The following ANXA4 variants were observed in gnomAD, a reference collection of about 807,000 sequenced individuals.
ANXA4 encodes annexin A4, also known as 35-beta calcimedin.
Under a neutral mutation model 49.8 loss-of-function variants are expected in ANXA4, and 39 were observed. That is an observed-to-expected ratio of 0.78 (90% confidence interval 0.61 to 1.02). The LOEUF is 1.02. ANXA4 is among the 50% of genes least tolerant of loss of function. The pLI, the probability that ANXA4 is intolerant of heterozygous loss-of-function variation, is 0.00. For missense variants in ANXA4, 360 were observed against 410.1 expected (o/e 0.88, Z 1.05); for synonymous variants, 134 against 152.5 (o/e 0.88, Z 0.89).
At chr2:69,770,433 GTGAA>G (rs1375926317) in intron 1 of ANXA4, among the ~76,000 whole-genome samples, 1 of 152,160 alleles carries the variant, frequency 6.6e-6, no homozygotes, top group Non-Finnish European at 1.5e-5. Flanking sequence ...AAGAAAAATA[GTGAA>G]TGACTCACTC....
chr2:69,708,357 C>T (rs533646182), intron 2 of ANXA4, among the ~76,000 whole-genome samples: 32 of 152,254 alleles, frequency 2.1e-4, no homozygotes, highest in Admixed American at 2.1e-3. Context: ...AGGATAAAGA[C>T]CATTAGAATT....
intron 2 of ANXA4, among the ~76,000 whole-genome samples, chr2:69,712,192 A>G (rs1678698985): frequency 6.6e-6 from 1 of 151,904 alleles, no homozygotes; most frequent in Admixed American, 6.6e-5. Context: ...CACCACCACC[A>G]CCACATACAC....
At chr2:69,756,995 C>T (rs973790176) in intron 1 of ANXA4, among the ~76,000 whole-genome samples, 7 of 147,800 alleles carry the variant, frequency 4.7e-5, no homozygotes, top group East Asian at 2.0e-4. Context: ...TGGACCATCT[C>T]GGCTCACTAC....
intron 2 of ANXA4, among the ~76,000 whole-genome samples, chr2:69,704,584 G>A (rs1204338995): frequency 1.3e-5 from 2 of 152,192 alleles, no homozygotes; most frequent in Non-Finnish European, 2.9e-5. Context: ...TGAAGAGTCT[G>A]TGTGTTTCTC....
At chr2:69,785,933 T>C (rs1672396774) in intron 2 of ANXA4, among the ~76,000 whole-genome samples, 1 of 152,178 alleles carries the variant, frequency 6.6e-6, no homozygotes, top group African/African-American at 2.4e-5. Context: ...AGGCTTATCC[T>C]AAGTCCCTGT....
intron 2 of ANXA4, among the ~76,000 whole-genome samples, chr2:69,714,645 G>A (rs2105413544): frequency 6.6e-6 from 1 of 152,314 alleles, no homozygotes; most frequent in East Asian, 1.9e-4. Flanking sequence ...CCTGCGTTGG[G>A]CCAGATCCCA....
intron 1 of ANXA4, among the ~76,000 whole-genome samples, chr2:69,753,360 T>A (rs1265993552): frequency 2.0e-5 from 3 of 152,198 alleles, no homozygotes; most frequent in Non-Finnish European, 4.4e-5. Flanking sequence ...TAAACTTGAT[T>A]AAATGAAGTC....
At chr2:69,787,904 G>A in intron 2 of ANXA4, 150 bp from the exon 3 acceptor site, 2 of 629,152 alleles carry the variant, frequency 3.2e-6, no homozygotes, top group Middle Eastern at 3.3e-4. Context: ...CGGGGAGCAA[G>A]AGCTTAATTT....
chr2:69,753,931 G>A lies in ANXA4; in HGVS notation c.-47+11756G>A, dbSNP rs144130077. Among the ~76,000 whole-genome samples, 130 of 152,314 alleles carry A rather than the reference G, an allele frequency of 8.5e-4. 3 individuals are homozygous for A. The East Asian group carries it at 0.022, about 25-fold the overall frequency. On this transcript the variant is annotated intron_variant, in intron 1 of 12. Transcript: ENST00000394295. Reference sequence around the variant, plus strand: ...TGCCAAAATAAACCAGCTCTCATAGGTGGGGTTAAATCTGGAGGGCAGAAC... The same window carrying A: ...TGCCAAAATAAACCAGCTCTCATAGATGGGGTTAAATCTGGAGGGCAGAAC...
rs1291335672 is a variant in ANXA4 at position 69,781,518 on chromosome 2, A to G, written c.-46-2A>G. The G allele has an allele frequency of 1.9e-6, 3 of 1,612,592 alleles. No homozygotes were observed. Among genetic ancestry groups the G allele is most frequent in the African/African-American group, 2.7e-5 (2 of 74,916 alleles). ...GTAATTTCCCCTCTGCTTTTATCACAGAAGAACTTCTGCTTGGGTGGCTGA... is the reference window on the plus strand; with the variant it reads ...GTAATTTCCCCTCTGCTTTTATCACGGAAGAACTTCTGCTTGGGTGGCTGA... On this transcript the variant is annotated splice_acceptor_variant, in intron 1 of 12. Transcript: ENST00000394295. LOFTEE classifies it low-confidence loss of function (5UTR_SPLICE).
intron 2 of ANXA4, 102 bp downstream of exon 2, chr2:69,781,676 C>A: frequency 7.3e-7 from 1 of 1,368,260 alleles, no homozygotes; most frequent in Non-Finnish European, 1.0e-6. Flanking sequence ...GTTTACTCAA[C>A]AGAGGGGAAG....
At chr2:69,664,156 G>A (rs527930922) in intron 2 of ANXA4, among the ~76,000 whole-genome samples, 8 of 152,298 alleles carry the variant, frequency 5.3e-5, no homozygotes, top group African/African-American at 1.9e-4. Context: ...TAAAATCTGA[G>A]GGAAAATAAC....
At chr2:69,678,043 T>A (rs979713742) in intron 2 of ANXA4, among the ~76,000 whole-genome samples, 5 of 152,198 alleles carry the variant, frequency 3.3e-5, no homozygotes, top group Non-Finnish European at 5.9e-5. Context: ...GAACATAACT[T>A]TTATATGCAC....
chr2:69,781,417 A>G, intron 1 of ANXA4, 103 bp from the exon 2 acceptor site: 1 of 925,452 alleles, frequency 1.1e-6, no homozygotes, highest in Non-Finnish European at 1.7e-6. Context: ...GTTGGGTGTC[A>G]TTTCCTCATG....
intron 2 of ANXA4, among the ~76,000 whole-genome samples, chr2:69,717,935 G>C (rs1370534779): frequency 6.6e-6 from 1 of 152,180 alleles, no homozygotes; most frequent in Admixed American, 6.5e-5. Context: ...AAGAAAGCTG[G>C]AATTAAAAGG....
chr2:69,798,786 A>C (rs2103776647), intron 3 of ANXA4, among the ~76,000 whole-genome samples: 1 of 152,284 alleles, frequency 6.6e-6, no homozygotes, highest in South Asian at 2.1e-4. Flanking sequence ...TCCTTTACTC[A>C]CCATTCTGAT....
At chr2:69,711,759 C>A (rs1678684733) in intron 2 of ANXA4, among the ~76,000 whole-genome samples, 4 of 151,858 alleles carry the variant, frequency 2.6e-5, no homozygotes, top group Admixed American at 2.6e-4. Flanking sequence ...TAAAATAGAA[C>A]CTGAAAACAG....
intron 3 of ANXA4, chr2:69,803,516 G>T (rs1363597976): frequency 6.6e-6 from 1 of 152,152 alleles, no homozygotes; most frequent in East Asian, 1.9e-4. Context: ...CAAGAAACAG[G>T]CAAGCAAAAC....
intron 3 of ANXA4, among the ~76,000 whole-genome samples, chr2:69,725,915 T>A (rs1669952768): frequency 6.6e-6 from 1 of 152,256 alleles, no homozygotes; most frequent in African/African-American, 2.4e-5. Context: ...TAGTCATCAC[T>A]TCATGATTTG....
Sources: allele counts gnomAD v4.1 joint callset (sites outside exome capture counted in the v4.1 genomes callset), GRCh38; gene constraint gnomAD v4.1.1; transcripts MANE v1.5; gene names NCBI Gene and HGNC (gene_info 2026-07-23, HGNC 2026-07-21).